DNAH11: variants seen among roughly 807,000 people sequenced by gnomAD.
The protein encoded by DNAH11 is dynein axonemal heavy chain 11, also known as axonemal beta dynein heavy chain 11.
DNAH11 carries 442 observed loss-of-function variants against 526.0 expected under a neutral mutation model. The observed-to-expected ratio is 0.84, with a 90% CI of 0.78 to 0.91. The LOEUF (loss-of-function observed/expected upper bound fraction) is 0.91. Among genes scored for constraint, DNAH11 ranks in the 40% least tolerant of loss-of-function variants. The pLI is 0.00. For synonymous variants in DNAH11, 2,461 were observed against 1,935.9 expected (o/e 1.27, Z -7.12); for missense variants, 6,989 against 5,448.7 (o/e 1.28, Z -8.90).
intron 61 of DNAH11, among the ~76,000 whole-genome samples, chr7:21,797,539 A>G (rs922919942): frequency 1.3e-5 from 2 of 148,680 alleles, no homozygotes; most frequent in East Asian, 1.9e-4. Context: ...TTTTTCTAGT[A>G]CATGTACAGT....
chr7:21,734,114 G>A (rs550735492), intron 45 of DNAH11, among the ~76,000 whole-genome samples: 3 of 152,116 alleles, frequency 2.0e-5, no homozygotes, highest in Non-Finnish European at 2.9e-5. Flanking sequence ...GAGAGGTCAG[G>A]CTCTGTCAGA....
intron 35 of DNAH11, among the ~76,000 whole-genome samples, chr7:21,694,046 G>GA (rs1287081251): frequency 1.3e-5 from 2 of 152,124 alleles, no homozygotes; most frequent in Non-Finnish European, 2.9e-5. Flanking sequence ...GAAGAATGGG[G>GA]AAAATCTGCT....
At chr7:21,857,604 G>A (rs1407776531) in intron 68 of DNAH11, among the ~76,000 whole-genome samples, 1 of 152,086 alleles carries the variant, frequency 6.6e-6, no homozygotes, top group African/African-American at 2.4e-5. Flanking sequence ...GAATCAAGAT[G>A]TTGTGGTACT....
At chr7:21,630,754 G>A (rs567867575) in intron 25 of DNAH11, among the ~76,000 whole-genome samples, 1 of 152,084 alleles carries the variant, frequency 6.6e-6, no homozygotes, top group African/African-American at 2.4e-5. Flanking sequence ...ACGATTCTCT[G>A]TGTCCTTGAC....
In DNAH11 at chr7:21,621,502, G is replaced by T. The variant is rs560222422; in HGVS notation, c.4500+1424G>T. On this transcript the variant is annotated intron_variant, in intron 25 of 81. Transcript: ENST00000409508. ...CCAGCATCATCCTGATACCAAAGCC[G>T]GGCAGAGACACAACCAAAAAAGAGA... Among the ~76,000 whole-genome samples the T allele has an allele frequency of 4.9e-4, 74 of 152,002 alleles. 1 individual carries two copies. The South Asian group carries it at 0.012, about 25-fold the overall frequency.
chr7:21,721,125 C>T lies in DNAH11; in HGVS notation c.7266+269C>T, dbSNP rs1024803267. ...TCTGGCTGCTCTGGGGCCTCGCCTT[C>T]AGCATGCTGTTCTACAAGAAGCCCC... On this transcript the variant is annotated intron_variant, in intron 44 of 81. Transcript: ENST00000409508. 3.3e-5 allele frequency among the ~76,000 whole-genome samples: 5 copies of T among 152,316 alleles called. No individual in the cohort carries two copies. The East Asian group carries it at 9.6e-4, about 29-fold the overall frequency.
At chr7:21,668,366 G>C (rs1447217626) in intron 30 of DNAH11, among the ~76,000 whole-genome samples, 1 of 152,122 alleles carries the variant, frequency 6.6e-6, no homozygotes, top group Non-Finnish European at 1.5e-5. Context: ...GCAAATGTCA[G>C]ACATGCTGTC....
intron 14 of DNAH11, 100 bp from the exon 15 acceptor site, chr7:21,599,687 C>A: frequency 4.4e-6 from 4 of 908,670 alleles, no homozygotes; most frequent in Non-Finnish European, 6.3e-6. Context: ...TTGTGCACAA[C>A]AATGCAGTCT....
intron 57 of DNAH11, among the ~76,000 whole-genome samples, chr7:21,781,411 A>G (rs1221679433): frequency 6.6e-6 from 1 of 152,202 alleles, no homozygotes; most frequent in Non-Finnish European, 1.5e-5. Context: ...TCCAAATCAC[A>G]CAAGCATCAT....
chr7:21,608,064 A>C, intron 20 of DNAH11, among the ~76,000 whole-genome samples: 1 of 150,260 alleles, frequency 6.7e-6, no homozygotes, highest in Non-Finnish European at 1.5e-5. Flanking sequence ...TTAATCAGAA[A>C]TTTTAACCAC....
chr7:21,695,560 C>A (rs547751222), intron 35 of DNAH11, among the ~76,000 whole-genome samples: 42 of 152,230 alleles, frequency 2.8e-4, no homozygotes, highest in Admixed American at 7.2e-4. Flanking sequence ...AAAAGCTGGA[C>A]TCCTTCCTTA....
chr7:21,730,718 G>C (rs2128487392), intron 45 of DNAH11, among the ~76,000 whole-genome samples: 1 of 152,170 alleles, frequency 6.6e-6, no homozygotes, highest in East Asian at 1.9e-4. Context: ...GTTGGTCAAG[G>C]GATACAAAAT....
At chr7:21,560,122 A>G (rs1053118917) in intron 4 of DNAH11, among the ~76,000 whole-genome samples, 11 of 152,170 alleles carry the variant, frequency 7.2e-5, no homozygotes, top group African/African-American at 2.7e-4. Flanking sequence ...CTTGCTTGGT[A>G]GAGAGACACA....
chr7:21,685,851 A>G (rs1264234809), intron 32 of DNAH11, among the ~76,000 whole-genome samples: 2 of 152,168 alleles, frequency 1.3e-5, no homozygotes, highest in African/African-American at 2.4e-5. Context: ...ATCTCCAAGG[A>G]AGTGTTGTAG....
intron 65 of DNAH11, among the ~76,000 whole-genome samples, chr7:21,839,505 G>A (rs1380614620): frequency 1.3e-5 from 2 of 151,358 alleles, no homozygotes; most frequent in African/African-American, 4.9e-5. Flanking sequence ...AACCCAGGAG[G>A]CAGAGCTTTC....
At chr7:21,709,877 C>A (rs1275641321) in intron 40 of DNAH11, among the ~76,000 whole-genome samples, 1 of 152,082 alleles carries the variant, frequency 6.6e-6, no homozygotes, top group East Asian at 1.9e-4. Context: ...AAGAAACATT[C>A]TAGATATATG....
chr7:21,599,232 A>C (rs977687006), intron 14 of DNAH11, among the ~76,000 whole-genome samples: 4 of 152,126 alleles, frequency 2.6e-5, no homozygotes, highest in Admixed American at 2.0e-4. Context: ...TTTCTGTGCA[A>C]CCTCACCAGC....
chr7:21,626,236 A>G (rs1225397236), intron 25 of DNAH11, among the ~76,000 whole-genome samples: 1 of 152,162 alleles, frequency 6.6e-6, no homozygotes, highest in Non-Finnish European at 1.5e-5. Context: ...TGCTTGCCTT[A>G]TTTCACTTAA....
At chr7:21,718,020 GAGA>G in intron 43 of DNAH11, 95 bp downstream of exon 43, 1 of 1,462,994 alleles carries the variant, frequency 6.8e-7, no homozygotes, top group Non-Finnish European at 9.1e-7. Context: ...CCAAGAAAGT[GAGA>G]AGATTTCTGG....
Sources: gnomAD v4.1 joint callset for allele counts (sites outside exome capture counted in the v4.1 genomes callset) on GRCh38, gnomAD v4.1.1 for gene constraint, MANE v1.5 for transcripts, NCBI Gene and HGNC (gene_info 2026-07-23, HGNC 2026-07-21) for gene names.